MYOM1: variants seen among roughly 807,000 people sequenced by gnomAD.
MYOM1 encodes myomesin-1.
Under a neutral mutation model 205.3 loss-of-function variants are expected in MYOM1, and 164 were observed. That is an observed-to-expected ratio of 0.80 (90% CI 0.70 to 0.91). The LOEUF (loss-of-function observed/expected upper bound fraction) is 0.91, where lower values mean the gene tolerates loss of function less well. Ranked by LOEUF, MYOM1 falls within the 40% of genes least tolerant of loss-of-function variation. The pLI, the probability that MYOM1 is intolerant of heterozygous loss-of-function variation, is 0.00. For missense variants in MYOM1, 2,011 were observed against 2,127.3 expected, an observed-to-expected ratio of 0.95 and a Z score of 1.08; for synonymous variants, 772 against 789.4, an observed-to-expected ratio of 0.98 and a Z score of 0.37.
the MYOM1 span, among the ~76,000 whole-genome samples, chr18:3,244,466 T>A: frequency 1.3e-5 from 2 of 152,120 alleles, no homozygotes; most frequent in Admixed American, 6.5e-5. Context: ...CGGCCCTAAT[T>A]CCATTAACAC....
At position 3,122,615 on chromosome 18, in the gene MYOM1, C is replaced by T. The variant is rs968669354; in HGVS notation, c.2992-2620G>A. On this transcript the variant is annotated intron_variant, in intron 19 of 37. Transcript: ENST00000356443. ...TAATTCTAGTCTCAGAATAATCTCACTCATGAACATAGAAGCAAAAATCCT... is the reference window on the plus strand; with the variant it reads ...TAATTCTAGTCTCAGAATAATCTCATTCATGAACATAGAAGCAAAAATCCT... Among the ~76,000 whole-genome samples the T allele has an allele frequency of 1.5e-3, 225 of 152,218 alleles. 4 individuals carry two copies. Among genetic ancestry groups the T allele is most frequent in the Admixed American group, 0.015 (222 of 15,280 alleles).
Position 3,067,401 on chromosome 18 carries a change from T to C in MYOM1, c.4919A>G (p.Asp1640Gly). Residue 1640 changes from aspartate to glycine, a missense_variant, in exon 38 of 38, where the codon GAC (aspartate) becomes GGC (glycine). Physicochemically the swap from Asp to Gly is moderately conservative, Grantham distance 94. Transcript: ENST00000356443. Reference protein sequence around the residue: ...YFTINGVSTADSGKYGLVVKN... With the variant: ...YFTINGVSTAGSGKYGLVVKN... Reference sequence around the variant, plus strand: ...CACAACCAGCCCGTATTTGCCCGAGTCAGCGGTGCTCACGCCGTTGATGGT... The same window carrying C: ...CACAACCAGCCCGTATTTGCCCGAGCCAGCGGTGCTCACGCCGTTGATGGT... 1.9e-6 allele frequency: 3 copies of C among 1,613,394 alleles called. No individual in the cohort carries two copies. The highest frequency in any genetic ancestry group is 1.7e-6 in the Non-Finnish European group (2 of 1,179,904).
intron 3 of MYOM1, 93 bp downstream of exon 3, chr18:3,193,725 T>A: frequency 7.7e-7 from 1 of 1,292,886 alleles, no homozygotes; most frequent in Non-Finnish European, 1.0e-6. Context: ...TTCTATAATC[T>A]GTCCACAACA....
In MYOM1 at chr18:3,199,349, C is replaced by G. The variant is rs116749581; in HGVS notation, c.291-5391G>C. Among the ~76,000 whole-genome samples, 1,274 of 152,258 alleles carry G rather than the reference C, an allele frequency of 8.4e-3. 28 individuals carry two copies. The highest frequency in any genetic ancestry group is 0.029 in the African/African-American group (1,204 of 41,540). ...TGGGGCAAGCAGCAGATTGGTAGAT[C>G]AGCCAGAAATTTACCAGGAAGATCT... On this transcript the variant is annotated intron_variant, in intron 2 of 37. Coordinates refer to ENST00000356443, the MANE Select transcript of MYOM1 (RefSeq NM_003803.4).
intron 10 of MYOM1, among the ~76,000 whole-genome samples, chr18:3,157,322 A>G (rs2080315311): frequency 6.6e-6 from 1 of 151,658 alleles, no homozygotes; most frequent in Non-Finnish European, 1.5e-5. Flanking sequence ...TCATTCTCTC[A>G]TTCATTCTCT....
intron 22 of MYOM1, among the ~76,000 whole-genome samples, chr18:3,109,740 T>A (rs1002934641): frequency 1.3e-5 from 2 of 152,246 alleles, no homozygotes; most frequent in Non-Finnish European, 2.9e-5. Context: ...GACACAGAGA[T>A]AACTGATTTT....
At chr18:3,240,385 C>T in the MYOM1 span, among the ~76,000 whole-genome samples, 1 of 152,142 alleles carries the variant, frequency 6.6e-6, no homozygotes, top group Non-Finnish European at 1.5e-5. Flanking sequence ...ATCATGGGGG[C>T]AGGTCTTTCC....
At position 3,116,368 on chromosome 18, in the gene MYOM1, C is replaced by G; in HGVS notation, c.3266G>C (p.Gly1089Ala). 6.2e-7 allele frequency: 1 copy of G among 1,612,740 alleles called. No homozygotes were observed. The highest frequency in any genetic ancestry group is 8.5e-7 in the Non-Finnish European group (1 of 1,179,786). ...GTTTTTAATAGCCGCCTCATTGAGC[C>G]CTCGCCACTGGTCTTCTTTGGCCTT... ...EAKAKEDQWR[G>A]LNEAAIKNVY... Residue 1089 changes from glycine to alanine, a missense_variant, in exon 21 of 38, where the codon GGG (glycine) becomes GCG (alanine). Transcript: ENST00000356443.
intron 16 of MYOM1, among the ~76,000 whole-genome samples, chr18:3,132,830 A>G (rs975330891): frequency 6.6e-6 from 1 of 152,202 alleles, no homozygotes; most frequent in Non-Finnish European, 1.5e-5. Context: ...AACTCTTTTC[A>G]TAGCTATTAT....
chr18:3,092,571 T>C (rs111657098), intron 26 of MYOM1, among the ~76,000 whole-genome samples: 11 of 151,868 alleles, frequency 7.2e-5, no homozygotes, highest in Admixed American at 1.3e-4. Context: ...CTTTTTTTTT[T>C]CCCAGAATGT....
rs528630716 is a variant in MYOM1 at position 3,098,347 on chromosome 18, G to A, written c.3727+1812C>T. Reference sequence around the variant, plus strand: ...GGCTGGAGTGCAGTGGCACGATCTCGGCTCACTGCAACCTTCGCCTCCCGG... The same window carrying A: ...GGCTGGAGTGCAGTGGCACGATCTCAGCTCACTGCAACCTTCGCCTCCCGG... On this transcript the variant is annotated intron_variant, in intron 25 of 37. Coordinates refer to ENST00000356443, the MANE Select transcript of MYOM1 (RefSeq NM_003803.4). Among the ~76,000 whole-genome samples the A allele has an allele frequency of 5.9e-5, 9 of 151,780 alleles. No individual in the cohort carries two copies. The East Asian group carries it at 9.7e-4, about 16-fold the overall frequency.
intron 14 of MYOM1, among the ~76,000 whole-genome samples, chr18:3,139,837 CGAGG>C (rs1567929092): frequency 3.1e-4 from 47 of 151,902 alleles, no homozygotes; most frequent in African/African-American, 9.7e-4. Flanking sequence ...GTATTTAGGT[CGAGG>C]GAAGTTATAG....
rs1191347269 is a variant in MYOM1, at chr18:3,168,981, A to G, written c.1175T>C (p.Phe392Ser). Reference protein sequence around the residue: ...HAGASTMPLSFGVTPYGYASR... With the variant: ...HAGASTMPLSSGVTPYGYASR... ...TGCATAACCATATGGGGTCACACCA[A>G]CTGGGTACAAAAATAACAAATATCA... Residue 392 changes from phenylalanine (F) to serine (S), a missense_variant and splice_region_variant, in exon 9 of 38, where the codon TTT (phenylalanine) becomes TCT (serine). Coordinates refer to ENST00000356443, the MANE Select transcript of MYOM1 (RefSeq NM_003803.4). 2 of 1,608,736 alleles carry G rather than the reference A, an allele frequency of 1.2e-6. No individual in the cohort carries two copies. Among genetic ancestry groups the G allele is most frequent in the East Asian group, 4.5e-5 (2 of 44,764 alleles).
the MYOM1 span, among the ~76,000 whole-genome samples, chr18:3,227,180 G>GTT: frequency 1.1e-4 from 16 of 150,020 alleles, no homozygotes; most frequent in African/African-American, 2.9e-4. Flanking sequence ...TCTTTCTTTT[G>GTT]TTTTTTTTTA....
chr18:3,240,931 A>G, the MYOM1 span, among the ~76,000 whole-genome samples: 1 of 152,166 alleles, frequency 6.6e-6, no homozygotes, highest in African/African-American at 2.4e-5. Context: ...GACTGGTGAC[A>G]TTTCGCCCCT....
At chr18:3,237,492 G>A in the MYOM1 span, among the ~76,000 whole-genome samples, 1 of 151,254 alleles carries the variant, frequency 6.6e-6, no homozygotes, top group African/African-American at 2.4e-5. Flanking sequence ...CCAGCTACTT[G>A]GGAGGCTGAG....
intron 13 of MYOM1, among the ~76,000 whole-genome samples, chr18:3,144,228 C>T (rs1301530680): frequency 6.6e-6 from 1 of 151,904 alleles, no homozygotes; most frequent in African/African-American, 2.4e-5. Context: ...AAAAAAGGCA[C>T]TGTTGTAAAT....
At chr18:3,142,195 C>G in intron 13 of MYOM1, 132 bp from the exon 14 acceptor site, 2 of 1,072,316 alleles carry the variant, frequency 1.9e-6, no homozygotes, top group Non-Finnish European at 2.6e-6. Context: ...TACCTTCTCT[C>G]TAAAATTCCC....
intron 16 of MYOM1, 45 bp downstream of exon 16, chr18:3,134,605 C>A (rs775951427): frequency 1.9e-6 from 3 of 1,554,678 alleles, no homozygotes; most frequent in Admixed American, 1.9e-5. Context: ...GTGTCTATGG[C>A]AGCTCCAGAG....
Sources: gnomAD v4.1 joint callset for allele counts (sites outside exome capture counted in the v4.1 genomes callset) on GRCh38, gnomAD v4.1.1 for gene constraint, MANE v1.5 for transcripts, NCBI Gene and HGNC (gene_info 2026-07-23, HGNC 2026-07-21) for gene names.